EIF2AK3: variants seen among roughly 807,000 people sequenced by gnomAD.
The protein encoded by EIF2AK3 is eukaryotic translation initiation factor 2 alpha kinase 3.
In EIF2AK3, 50 loss-of-function variants were observed where a neutral mutation model predicts 113.5. That is an observed-to-expected ratio of 0.44 (90% CI 0.35 to 0.56). The LOEUF (loss-of-function observed/expected upper bound fraction) is 0.56, where lower values mean the gene tolerates loss of function less well. Among genes scored for constraint, EIF2AK3 ranks in the 20% least tolerant of loss-of-function variants. The pLI is 0.00. For synonymous variants in EIF2AK3, 448 were observed against 495.4 expected (o/e 0.90, Z 1.27); for missense variants, 1,185 against 1,378.0 (o/e 0.86, Z 2.22).
chr2:88,588,042 C>T lies in EIF2AK3; in HGVS notation c.1369G>A (p.Asp457Asn), dbSNP rs1329525666. Reference sequence around the variant, plus strand: ...CTATATTCTTCATGAGAAAACTTATCATTACTGAGACATTTGTCAAATTCA... The same window carrying T: ...CTATATTCTTCATGAGAAAACTTATTATTACTGAGACATTTGTCAAATTCA... ...SDEFDKCLSN[D>N]KFSHEEYSNG... The change falls in exon 8 of 17, where the codon GAT (aspartate) becomes AAT (asparagine). Residue 457 changes from aspartate (D) to asparagine (N), a missense_variant. Asp to Asn is a conservative substitution (Grantham distance 23). This residue lies in a region of EIF2AK3 where 877 missense variants were observed against 1,024.2 expected (regional missense o/e 0.86). Coordinates refer to ENST00000303236, the MANE Select transcript of EIF2AK3 (RefSeq NM_004836.7). 1 of 1,583,010 alleles carries T rather than the reference C, an allele frequency of 6.3e-7. No individual in the cohort carries two copies. Among genetic ancestry groups the T allele is most frequent in the South Asian group, 1.2e-5 (1 of 86,618 alleles).
At chr2:88,625,336 C>CACACAGACAT (rs1405281238) in intron 1 of EIF2AK3, among the ~76,000 whole-genome samples, 10 of 128,886 alleles carry the variant, frequency 7.8e-5, no homozygotes, top group Admixed American at 2.4e-4. Flanking sequence ...CAGACATACA[C>CACACAGACAT]AGAGACAAAA....
chr2:88,573,879 T>C (rs1312476611), intron 13 of EIF2AK3, among the ~76,000 whole-genome samples: 1 of 152,190 alleles, frequency 6.6e-6, no homozygotes, highest in Admixed American at 6.5e-5. Context: ...GAAAAGTATT[T>C]ATACATTCAC....
intron 2 of EIF2AK3, among the ~76,000 whole-genome samples, chr2:88,606,484 A>G (rs890577764): frequency 6.6e-6 from 1 of 152,224 alleles, no homozygotes; most frequent in Non-Finnish European, 1.5e-5. Context: ...CAATTAACCC[A>G]GGCAATTATT....
intron 2 of EIF2AK3, among the ~76,000 whole-genome samples, chr2:88,604,088 GGGAGACTAGAAATA>G (rs1675214263): frequency 1.3e-5 from 2 of 152,052 alleles, no homozygotes; most frequent in African/African-American, 4.8e-5. Flanking sequence ...TAACTAGTGT[GGGAGACTAGAAATA>G]GTCTCCCAAT....
intron 1 of EIF2AK3, among the ~76,000 whole-genome samples, chr2:88,623,066 C>T (rs977538847): frequency 2.0e-5 from 3 of 152,176 alleles, no homozygotes; most frequent in African/African-American, 7.2e-5. Flanking sequence ...ATGTACTTTG[C>T]AAATTAGTGA....
At chr2:88,579,802 G>A (rs1337331100) in intron 10 of EIF2AK3, 162 bp from the exon 11 acceptor site, 1 of 632,738 alleles carries the variant, frequency 1.6e-6, no homozygotes, top group Non-Finnish European at 2.6e-6. Flanking sequence ...TTTTAGTCCT[G>A]TTTGTATAAA....
At chr2:88,593,133 C>A in intron 4 of EIF2AK3, 139 bp downstream of exon 4, 1 of 984,136 alleles carries the variant, frequency 1.0e-6, no homozygotes, top group Admixed American at 2.7e-5. Flanking sequence ...CAGAGCAAGA[C>A]TCCGTATCAA....
chr2:88,617,902 G>A (rs1675627136), intron 1 of EIF2AK3, among the ~76,000 whole-genome samples: 4 of 152,216 alleles, frequency 2.6e-5, no homozygotes, highest in Admixed American at 2.6e-4. Flanking sequence ...AACACAGCCA[G>A]GTGCAGTGGC....
rs766546593 is a variant in EIF2AK3 at position 88,588,921 on chromosome 2, G to C, written c.1166-20C>G. On this transcript the variant is annotated intron_variant, in intron 6 of 16. Transcript: ENST00000303236. ...ACATTCCTGAATCAACCAGAACATTGTCAATTATGCATTGATTTTTTTAAA... is the reference window on the plus strand; with the variant it reads ...ACATTCCTGAATCAACCAGAACATTCTCAATTATGCATTGATTTTTTTAAA... The C allele has an allele frequency of 9.3e-6, 15 of 1,612,086 alleles. No homozygotes were observed. The highest frequency in any genetic ancestry group is 1.1e-5 in the Non-Finnish European group (13 of 1,179,204).
chr2:88,614,277 A>G (rs1675521755), intron 1 of EIF2AK3, among the ~76,000 whole-genome samples: 1 of 152,066 alleles, frequency 6.6e-6, no homozygotes, highest in African/African-American at 2.4e-5. Context: ...TTTCTCCCAT[A>G]ACCCTTGCTC....
chr2:88,575,625 C>A, intron 12 of EIF2AK3, 179 bp from the exon 13 acceptor site: 1 of 702,364 alleles, frequency 1.4e-6, no homozygotes, highest in East Asian at 2.7e-5. Context: ...ACATTCCATT[C>A]ATTCCTTCTA....
intron 2 of EIF2AK3, among the ~76,000 whole-genome samples, chr2:88,609,842 C>T (rs1675383528): frequency 6.8e-6 from 1 of 148,102 alleles, no homozygotes; most frequent in South Asian, 2.1e-4. Context: ...GGCATGGTGG[C>T]TCATGCCTGT....
At chr2:88,619,673 G>T (rs1675670805) in intron 1 of EIF2AK3, among the ~76,000 whole-genome samples, 1 of 152,060 alleles carries the variant, frequency 6.6e-6, no homozygotes, top group Non-Finnish European at 1.5e-5. Flanking sequence ...ATCTTTTCTG[G>T]CTGGGCACGG....
At chr2:88,598,989 TG>T (rs1675085314) in intron 2 of EIF2AK3, among the ~76,000 whole-genome samples, 2 of 151,508 alleles carry the variant, frequency 1.3e-5, no homozygotes, top group Non-Finnish European at 1.5e-5. Flanking sequence ...GCAACCAGGT[TG>T]GGGTAGGTAA....
chr2:88,624,376 C>G (rs960877539), intron 1 of EIF2AK3, among the ~76,000 whole-genome samples: 3 of 152,206 alleles, frequency 2.0e-5, no homozygotes, highest in African/African-American at 7.2e-5. Context: ...AAAATTACCT[C>G]ATCAGTGAGG....
chr2:88,572,738 T>C (rs1444360424), intron 13 of EIF2AK3, among the ~76,000 whole-genome samples: 2 of 152,106 alleles, frequency 1.3e-5, no homozygotes, highest in East Asian at 3.9e-4. Flanking sequence ...GAAAATAAAA[T>C]TCAAAATAAA....
At chr2:88,588,939 T>A in intron 6 of EIF2AK3, 38 bp from the exon 7 acceptor site, 1 of 1,608,868 alleles carries the variant, frequency 6.2e-7, no homozygotes, top group Non-Finnish European at 8.5e-7. Flanking sequence ...TGCATTGATT[T>A]TTTTAAAAAG....
At chr2:88,593,991 A>G (rs1303327226) in intron 3 of EIF2AK3, 3 of 974,908 alleles carry the variant, frequency 3.1e-6, no homozygotes, top group Non-Finnish European at 3.7e-6. Context: ...TTGTTTACAG[A>G]TGAGACTACC....
chr2:88,557,977 T>A lies in EIF2AK3; in HGVS notation c.3151-41A>T, dbSNP rs778395797. On this transcript the variant is annotated intron_variant, in intron 16 of 16. Transcript: ENST00000303236. The stretch of plus-strand genomic sequence containing the variant: ...TTGTTTTGTGATAAAACGGCCAGGT[T>A]TGATCACTGTACAGTTTTTAAAATC... 3.8e-6 allele frequency: 6 copies of A among 1,583,384 alleles called. No individual in the cohort carries two copies. The East Asian group carries it at 1.3e-4, about 35-fold the overall frequency.
Sources: gnomAD v4.1 joint callset for allele counts (sites outside exome capture counted in the v4.1 genomes callset) on GRCh38, gnomAD v4.1.1 for gene constraint, gnomAD v4.1.1 regional missense constraint, MANE v1.5 for transcripts, NCBI Gene and HGNC (gene_info 2026-07-23, HGNC 2026-07-21) for gene names.